Variants in CCDC171 observed in about 807,000 individuals in gnomAD.
The protein encoded by CCDC171 is coiled-coil domain-containing protein 171.
In CCDC171, 177 loss-of-function variants were observed where a neutral mutation model predicts 168.2. That is an observed-to-expected ratio of 1.05 (90% CI 0.93 to 1.19). CCDC171 has a LOEUF of 1.19. CCDC171 is among the 50% of genes most tolerant of loss of function. CCDC171 has a pLI of 0.00. For missense variants in CCDC171, 1,991 were observed against 1,539.0 expected (o/e 1.29, Z -4.91); for synonymous variants, 687 against 540.8 (o/e 1.27, Z -3.75).
chr9:15,949,146 T>C (rs1828802939), intron 25 of CCDC171, among the ~76,000 whole-genome samples: 1 of 152,120 alleles, frequency 6.6e-6, no homozygotes, highest in Non-Finnish European at 1.5e-5. Flanking sequence ...TATGTGGCAT[T>C]ATTTCTGAGG....
the CCDC171 span, among the ~76,000 whole-genome samples, chr9:16,107,323 A>C: frequency 4.6e-5 from 7 of 152,062 alleles, no homozygotes; most frequent in African/African-American, 1.4e-4. Context: ...CCTGACATGA[A>C]ATTCGAATAC....
chr9:15,989,564 A>C (rs1341587616), intron 3 of CCDC171, among the ~76,000 whole-genome samples: 1 of 152,180 alleles, frequency 6.6e-6, no homozygotes, highest in East Asian at 1.9e-4. Context: ...GCAACAGAAC[A>C]AAACTGGATG....
intron 7 of CCDC171, among the ~76,000 whole-genome samples, chr9:15,638,404 A>G (rs145547342): frequency 6.6e-6 from 1 of 152,258 alleles, no homozygotes; most frequent in African/African-American, 2.4e-5. Context: ...GGAGACAATC[A>G]CTACCAGTAA....
chr9:15,556,992 T>G (rs2038860581), intron 1 of CCDC171, among the ~76,000 whole-genome samples: 1 of 152,206 alleles, frequency 6.6e-6, no homozygotes, highest in Non-Finnish European at 1.5e-5. Flanking sequence ...ATTTATTAAA[T>G]AGGGAATCCT....
intron 23 of CCDC171, among the ~76,000 whole-genome samples, chr9:15,869,497 C>A (rs1354895122): frequency 7.0e-6 from 1 of 142,376 alleles, no homozygotes; most frequent in African/African-American, 2.6e-5. Context: ...TTACTAAGAG[C>A]CTCTGAAAGC....
At chr9:16,033,167 G>C (rs138154578) in intron 6 of CCDC171, among the ~76,000 whole-genome samples, 5 of 152,284 alleles carry the variant, frequency 3.3e-5, no homozygotes, top group Non-Finnish European at 7.4e-5. Context: ...CAATACCACA[G>C]AGTCATGGAA....
At chr9:16,070,363 G>A in the CCDC171 span, among the ~76,000 whole-genome samples, 1 of 152,336 alleles carries the variant, frequency 6.6e-6, no homozygotes, top group East Asian at 1.9e-4. Context: ...ACTGGAAAAA[G>A]TACCTGCTGG....
chr9:15,652,305 T>G (rs527259852), intron 7 of CCDC171, among the ~76,000 whole-genome samples: 2 of 152,210 alleles, frequency 1.3e-5, no homozygotes, highest in Non-Finnish European at 2.9e-5. Context: ...ATCTTTTCCA[T>G]TGAGTGGTGA....
chr9:15,824,228 C>T (rs531441294), intron 21 of CCDC171, among the ~76,000 whole-genome samples: 2 of 152,006 alleles, frequency 1.3e-5, no homozygotes, highest in African/African-American at 4.8e-5. Flanking sequence ...TACATACACT[C>T]TACAGTTTAT....
intron 21 of CCDC171, among the ~76,000 whole-genome samples, chr9:15,807,712 T>G (rs2059143505): frequency 6.6e-6 from 1 of 151,994 alleles, no homozygotes; most frequent in Non-Finnish European, 1.5e-5. Flanking sequence ...CACAGGACAC[T>G]TTAAGCTGGA....
At position 15,973,053 on chromosome 9, in the gene CCDC171, A is replaced by G. The variant is rs549326252; in HGVS notation, c.*1217A>G. On this transcript the variant is annotated 3_prime_UTR_variant, in exon 26 of 26. Transcript: ENST00000380701. Reference sequence around the variant, plus strand: ...TTCTTTATCGCCTTCAGAAGATCAGACATTGACATTGATTAAACTCTTTAA... The same window carrying G: ...TTCTTTATCGCCTTCAGAAGATCAGGCATTGACATTGATTAAACTCTTTAA... 1 of 152,316 alleles carries G rather than the reference A, an allele frequency of 6.6e-6. No homozygotes were observed. The highest frequency in any genetic ancestry group is 2.4e-5 in the African/African-American group (1 of 41,566). 9.4% of individuals were successfully genotyped at this position (152,316 alleles called of 1,614,324 possible). A position where few individuals can be genotyped will look rare whatever the true frequency, so the allele number is the denominator to read the frequency against.
intron 2 of CCDC171, among the ~76,000 whole-genome samples, chr9:15,569,741 G>T (rs1202217142): frequency 6.6e-6 from 1 of 151,616 alleles, no homozygotes; most frequent in Non-Finnish European, 1.5e-5. Context: ...CGTGAACCCG[G>T]GAGGCGGAGC....
intron 24 of CCDC171, among the ~76,000 whole-genome samples, chr9:15,900,992 T>C (rs1454334792): frequency 6.6e-6 from 1 of 152,216 alleles, no homozygotes; most frequent in Non-Finnish European, 1.5e-5. Flanking sequence ...AGCACACTCT[T>C]ATTTTTAAGT....
At chr9:15,794,705 A>G (rs1182575433) in intron 21 of CCDC171, among the ~76,000 whole-genome samples, 4 of 152,234 alleles carry the variant, frequency 2.6e-5, no homozygotes, top group Non-Finnish European at 5.9e-5. Flanking sequence ...TGTGATACAG[A>G]TGGCATGTGG....
At chr9:15,806,239 G>C (rs927339032) in intron 21 of CCDC171, among the ~76,000 whole-genome samples, 4 of 152,046 alleles carry the variant, frequency 2.6e-5, no homozygotes, top group Admixed American at 6.6e-5. Context: ...TTACACTTAA[G>C]GTTAGTATTG....
intron 6 of CCDC171, among the ~76,000 whole-genome samples, chr9:16,032,159 G>C (rs1390209868): frequency 2.0e-5 from 3 of 152,238 alleles, no homozygotes; most frequent in Non-Finnish European, 2.9e-5. Context: ...AAGGTGGCAG[G>C]AGAGGAAGCC....
intron 5 of CCDC171, chr9:16,022,646 C>G (rs1483629774): frequency 2.6e-5 from 4 of 152,188 alleles, no homozygotes; most frequent in Admixed American, 2.0e-4. Flanking sequence ...GTGGGCACAC[C>G]CCATTAACAC....
chr9:15,727,971 CT>C lies in CCDC171; in HGVS notation c.1798del (p.Cys600ValfsTer11). The C allele has an allele frequency of 6.2e-7, 1 of 1,613,272 alleles. No homozygotes were observed. The highest frequency in any genetic ancestry group is 1.1e-5 in the South Asian group (1 of 91,000). On this transcript the variant is annotated frameshift_variant, in exon 15 of 26. Coordinates refer to ENST00000380701, the MANE Select transcript of CCDC171 (RefSeq NM_173550.4). LOFTEE classifies it high-confidence loss of function. ...GCTGGATAAATTCTCTTGGTCTGAG[CT>C]TTGTGCAGTCTTACAGGAGAATGTT... ...GMLDKFSWSE[L>X]CAVLQENVDA...
chr9:15,634,122 A>G (rs1587613543), intron 7 of CCDC171, among the ~76,000 whole-genome samples: 1 of 152,214 alleles, frequency 6.6e-6, no homozygotes, highest in Non-Finnish European at 1.5e-5. Context: ...ACATGTTTAC[A>G]TATGTAACTA....
Sources: allele counts gnomAD v4.1 joint callset (sites outside exome capture counted in the v4.1 genomes callset), GRCh38; gene constraint gnomAD v4.1.1; transcripts MANE v1.5; gene names NCBI Gene and HGNC (gene_info 2026-07-23, HGNC 2026-07-21).